WLS: variants seen among roughly 807,000 people sequenced by gnomAD.
WLS encodes the protein protein wntless homolog.
WLS carries 23 observed loss-of-function variants against 62.8 expected under a neutral mutation model. That is an observed-to-expected ratio of 0.37 (90% confidence interval 0.26 to 0.52). The LOEUF (loss-of-function observed/expected upper bound fraction) is 0.52. Among genes scored for constraint, WLS ranks in the 20% least tolerant of loss-of-function variants. WLS has a pLI of 0.92. For missense variants in WLS, 615 were observed against 697.3 expected, an observed-to-expected ratio of 0.88 and a Z score of 1.33; for synonymous variants, 246 against 244.1, an observed-to-expected ratio of 1.01 and a Z score of -0.07.
chr1:68,179,828 AG>A (rs1269293445), intron 2 of WLS, among the ~76,000 whole-genome samples: 1 of 152,206 alleles, frequency 6.6e-6, no homozygotes, highest in Non-Finnish European at 1.5e-5. Flanking sequence ...ATGACTGCCC[AG>A]GTGGCTCTCA....
At chr1:68,168,884 A>G (rs1647102907) in intron 2 of WLS, among the ~76,000 whole-genome samples, 1 of 152,218 alleles carries the variant, frequency 6.6e-6, no homozygotes, top group Admixed American at 6.5e-5. Context: ...TAAGGAAATA[A>G]CAAAACCAAC....
downstream of WLS, among the ~76,000 whole-genome samples, chr1:68,123,669 C>T (rs1646389866): frequency 1.3e-5 from 2 of 152,142 alleles, no homozygotes; most frequent in Non-Finnish European, 2.9e-5. Flanking sequence ...TGGAGATGGA[C>T]ACCGATCTAT....
intron 1 of WLS, among the ~76,000 whole-genome samples, chr1:68,196,837 ACTTATT>A (rs1180090218): frequency 1.3e-5 from 2 of 152,124 alleles, no homozygotes; most frequent in African/African-American, 4.8e-5. Context: ...CAGACATCTG[ACTTATT>A]CTTAGAAATA....
intron 4 of WLS, 129 bp from the exon 5 acceptor site, chr1:68,153,782 A>C: frequency 1.6e-6 from 2 of 1,246,618 alleles, no homozygotes; most frequent in Non-Finnish European, 2.2e-6. Context: ...GAGCTTTCAC[A>C]TTCATAGCAG....
At chr1:68,122,090 A>G (rs1468885321), downstream of WLS, among the ~76,000 whole-genome samples, 3 of 152,256 alleles carry the variant, frequency 2.0e-5, no homozygotes, top group Admixed American at 2.0e-4. Flanking sequence ...TCTAGTTTAT[A>G]GATTCCCCAA....
chr1:68,115,051 G>A (rs1646273317), intron 11 of WLS, among the ~76,000 whole-genome samples: 1 of 152,216 alleles, frequency 6.6e-6, no homozygotes. Flanking sequence ...TGTGTGGCCT[G>A]TGACAGGCCT....
intron 2 of WLS, among the ~76,000 whole-genome samples, chr1:68,190,339 G>A (rs1648220032): frequency 6.6e-6 from 1 of 152,202 alleles, no homozygotes; most frequent in South Asian, 2.1e-4. Context: ...CAGCCTCTAA[G>A]ATGGTCCTTA....
chr1:68,170,163 T>C lies in WLS; in HGVS notation c.380-10916A>G, dbSNP rs1422849389. Among the ~76,000 whole-genome samples, 4 of 83,750 alleles carry C rather than the reference T, an allele frequency of 4.8e-5. No homozygotes were observed. In the Admixed American group the frequency reaches 5.1e-4, roughly 11 times the overall value. 54.9% of individuals were successfully genotyped at this position (83,750 alleles called of 152,430 possible). A position where few individuals can be genotyped will look rare whatever the true frequency, so the allele number is the denominator to read the frequency against. ...CAGTCAATGCTGGCTACTATTTCTT[T>C]TTTTTTTTTTTTTTTTTTTGAGATG... is the stretch of plus-strand genomic sequence containing the variant. On this transcript the variant is annotated intron_variant, in intron 2 of 11. Coordinates refer to ENST00000262348, the MANE Select transcript of WLS (RefSeq NM_024911.7).
chr1:68,137,129 T>G lies in WLS; in HGVS notation c.1516+651A>C, dbSNP rs74081389. On this transcript the variant is annotated intron_variant, in intron 11 of 11. Coordinates refer to ENST00000262348, the MANE Select transcript of WLS (RefSeq NM_024911.7). ...TCTGCTGTGGCTAGTGAAGAAACCC[T>G]GAGCAAGATCTTCCCTTCTCTAGGC... Among the ~76,000 whole-genome samples the G allele has an allele frequency of 4.6e-3, 700 of 152,304 alleles. 4 individuals are homozygous for G. The highest frequency in any genetic ancestry group is 0.016 in the African/African-American group (669 of 41,558).
chr1:68,122,599 C>CT (rs961192014), downstream of WLS, among the ~76,000 whole-genome samples: 4 of 152,140 alleles, frequency 2.6e-5, no homozygotes, highest in African/African-American at 9.7e-5. Context: ...AAATTATATA[C>CT]TTTTTTCCTA....
intron 10 of WLS, chr1:68,142,540 T>C (rs1646700306): frequency 1.3e-5 from 2 of 152,218 alleles, no homozygotes; most frequent in Admixed American, 1.3e-4. Flanking sequence ...TGAATATGGA[T>C]GTTTGAGCCT....
chr1:68,136,962 G>T (rs1027312708), intron 11 of WLS, among the ~76,000 whole-genome samples: 3 of 152,324 alleles, frequency 2.0e-5, no homozygotes, highest in Admixed American at 2.0e-4. Flanking sequence ...CAAATGCATG[G>T]CTAGAGTAAA....
At chr1:68,148,271 ATTC>A in intron 7 of WLS, 72 bp from the exon 8 acceptor site, 1 of 1,518,992 alleles carries the variant, frequency 6.6e-7, no homozygotes, top group Non-Finnish European at 9.1e-7. Context: ...CTTTTCACAT[ATTC>A]TTAGCTTTTC....
intron 11 of WLS, among the ~76,000 whole-genome samples, chr1:68,133,582 C>A (rs2566782): frequency 0.91 from 138,699 of 152,236 alleles, 63,488 homozygotes; most frequent in South Asian, 0.97. Flanking sequence ...TGAGGTGCTC[C>A]GTGGTTCATT....
chr1:68,174,501 A>G (rs1647202322), intron 2 of WLS, among the ~76,000 whole-genome samples: 2 of 152,180 alleles, frequency 1.3e-5, no homozygotes, highest in Non-Finnish European at 2.9e-5. Context: ...AATACTATAA[A>G]GAAGGTGGAT....
intron 2 of WLS, among the ~76,000 whole-genome samples, chr1:68,175,436 G>C (rs1014949443): frequency 1.3e-5 from 2 of 152,148 alleles, no homozygotes; most frequent in African/African-American, 4.8e-5. Flanking sequence ...AGGAAAGTTA[G>C]GACACCCGCT....
chr1:68,144,548 G>T lies in WLS; in HGVS notation c.1362+21C>A. 4 of 1,608,580 alleles carry T rather than the reference G, an allele frequency of 2.5e-6. No individual in the cohort carries two copies. The South Asian group carries it at 4.4e-5, about 18-fold the overall frequency. The stretch of plus-strand genomic sequence containing the variant: ...ATCTCTGCAGAGACATTCTCACCTT[G>T]ACATCTCAGGGTCCACTTACCTGAC... On this transcript the variant is annotated intron_variant, in intron 10 of 11. Coordinates refer to ENST00000262348, the MANE Select transcript of WLS (RefSeq NM_024911.7).
At chr1:68,144,932 G>T (rs542865237) in intron 9 of WLS, among the ~76,000 whole-genome samples, 2 of 152,276 alleles carry the variant, frequency 1.3e-5, no homozygotes, top group East Asian at 3.9e-4. Context: ...TAATTTCCCT[G>T]CTAAGCTGGT....
chr1:68,158,304 G>A (rs943549556), intron 3 of WLS, among the ~76,000 whole-genome samples: 9 of 152,134 alleles, frequency 5.9e-5, no homozygotes, highest in African/African-American at 2.2e-4. Flanking sequence ...GGAAACCTGC[G>A]GGAGGGAGAC....
Sources: gnomAD v4.1 joint callset for allele counts (sites outside exome capture counted in the v4.1 genomes callset) on GRCh38, gnomAD v4.1.1 for gene constraint, MANE v1.5 for transcripts, NCBI Gene and HGNC (gene_info 2026-07-23, HGNC 2026-07-21) for gene names.